Variants in OPHN1 observed in about 807,000 individuals in gnomAD.
OPHN1 encodes the protein oligophrenin-1.
In OPHN1, 11 loss-of-function variants were observed where a neutral mutation model predicts 60.7. The ratio of observed to expected loss-of-function variants is 0.18; its 90% CI spans 0.11 to 0.30. OPHN1 has a LOEUF of 0.30. Ranked by LOEUF, OPHN1 falls within the 10% of genes least tolerant of loss-of-function variation. OPHN1 has a pLI of 1.00. For missense variants in OPHN1, 449 were observed against 611.0 expected (o/e 0.73, Z 2.80); for synonymous variants, 226 against 222.6 (o/e 1.02, Z -0.14).
chrX:68,349,385 G>A (rs1268161992), intron 2 of OPHN1, among the ~76,000 whole-genome samples: 21 of 111,585 alleles, frequency 1.9e-4, no homozygotes, highest in East Asian at 8.5e-4. Flanking sequence ...TTAGAATGGT[G>A]ATCATTAAAA....
At chrX:68,271,113 C>A (rs1460594491) in intron 5 of OPHN1, among the ~76,000 whole-genome samples, 1 of 111,641 alleles carries the variant, frequency 9.0e-6, no homozygotes, top group Non-Finnish European at 1.9e-5. Context: ...TAAGTCCAAT[C>A]AGGAGATAGA....
intron 16 of OPHN1, among the ~76,000 whole-genome samples, chrX:68,113,572 C>T (rs5919522): frequency 0.21 from 22,911 of 110,143 alleles, 1,985 homozygotes; most frequent in Middle Eastern, 0.31. Flanking sequence ...TTAGAATTTC[C>T]GAAGTGCTTT....
chrX:68,257,854 T>C (rs752272583), intron 5 of OPHN1, among the ~76,000 whole-genome samples: 6 of 110,925 alleles, frequency 5.4e-5, no homozygotes, highest in African/African-American at 1.3e-4. Flanking sequence ...GGGAGATACA[T>C]GCTCTTGATT....
intron 2 of OPHN1, among the ~76,000 whole-genome samples, chrX:68,357,787 C>A (rs965716450): frequency 9.0e-6 from 1 of 110,862 alleles, no homozygotes; most frequent in East Asian, 2.8e-4. Flanking sequence ...ATTGCTGGGT[C>A]AAATGGTATT....
At chrX:68,362,713 G>A (rs769664850) in intron 2 of OPHN1, among the ~76,000 whole-genome samples, 7 of 111,048 alleles carry the variant, frequency 6.3e-5, no homozygotes, top group Non-Finnish European at 1.1e-4. Context: ...ATACTGTAAT[G>A]GTGGATACAT....
intron 4 of OPHN1, 128 bp from the exon 5 acceptor site, chrX:68,274,937 G>T (rs982079556): frequency 3.2e-4 from 148 of 469,683 alleles, no homozygotes; most frequent in South Asian, 2.0e-3. Flanking sequence ...TGATTTGTTG[G>T]GTTTTGTTAC....
intron 5 of OPHN1, among the ~76,000 whole-genome samples, chrX:68,262,279 G>A (rs960556061): frequency 4.5e-5 from 5 of 112,168 alleles, no homozygotes; most frequent in African/African-American, 1.6e-4. Flanking sequence ...GGATACCTCT[G>A]AGTAGTGGAT....
At chrX:68,343,070 C>T (rs1295378551) in intron 2 of OPHN1, among the ~76,000 whole-genome samples, 1 of 110,330 alleles carries the variant, frequency 9.1e-6, no homozygotes, top group East Asian at 2.8e-4. Flanking sequence ...GTCAGGAGTT[C>T]GAGATCAGCC....
At chrX:68,227,314 T>G (rs1400380920) in intron 6 of OPHN1, among the ~76,000 whole-genome samples, 2 of 110,294 alleles carry the variant, frequency 1.8e-5, no homozygotes, top group African/African-American at 6.6e-5. Context: ...AACGGGAGAC[T>G]TTGACACCCC....
chrX:68,140,609 C>CT (rs1384211972), intron 15 of OPHN1, among the ~76,000 whole-genome samples: 1 of 110,180 alleles, frequency 9.1e-6, no homozygotes, highest in Non-Finnish European at 1.9e-5. Flanking sequence ...CAGCTGACCC[C>CT]TGAAGGGCTG....
intron 2 of OPHN1, among the ~76,000 whole-genome samples, chrX:68,404,372 A>G (rs7058597): frequency 0.053 from 5,870 of 110,499 alleles, 294 homozygotes; most frequent in African/African-American, 0.15. Flanking sequence ...GTTGGCCAGG[A>G]TGGTCTCCAT....
intron 20 of OPHN1, among the ~76,000 whole-genome samples, chrX:68,069,221 T>C (rs1053620871): frequency 8.9e-6 from 1 of 111,871 alleles, no homozygotes; most frequent in African/African-American, 3.3e-5. Context: ...TAGCCAAGAT[T>C]AAATTAGACC....
rs779833046 is a variant in OPHN1 at position 68,278,611 on chromosome X, C to T, written c.313-3802G>A. Among the ~76,000 whole-genome samples the T allele has an allele frequency of 5.3e-5, 6 of 113,604 alleles. No individual in the cohort carries two copies. In the East Asian group the frequency reaches 1.1e-3, roughly 21 times the overall value. On this transcript the variant is annotated intron_variant, in intron 4 of 24. Coordinates refer to ENST00000355520, the MANE Select transcript of OPHN1 (RefSeq NM_002547.3). The stretch of plus-strand genomic sequence containing the variant: ...TATCAAAAGAGAGCACTGGGCCAGG[C>T]GCAGTGGCTTGCGCCTGTAATCCCA...
intron 2 of OPHN1, among the ~76,000 whole-genome samples, chrX:68,374,704 A>G (rs1465674334): frequency 8.9e-6 from 1 of 111,898 alleles, no homozygotes; most frequent in Non-Finnish European, 1.9e-5. Flanking sequence ...AAGAACCCAT[A>G]CTCAGAATAC....
intron 2 of OPHN1, among the ~76,000 whole-genome samples, chrX:68,391,051 TTCTC>T (rs994313983): frequency 4.5e-5 from 5 of 111,186 alleles, no homozygotes; most frequent in African/African-American, 1.6e-4. Context: ...CCACATCATC[TTCTC>T]TCTATCTGAC....
intron 2 of OPHN1, among the ~76,000 whole-genome samples, chrX:68,324,095 T>C (rs2078247651): frequency 1.8e-5 from 2 of 111,655 alleles, no homozygotes; most frequent in South Asian, 3.7e-4. Context: ...TGTATGGCCA[T>C]GCTAGCCAAT....
chrX:68,128,066 T>C (rs2077178869), intron 15 of OPHN1, among the ~76,000 whole-genome samples: 1 of 110,183 alleles, frequency 9.1e-6, no homozygotes, highest in Non-Finnish European at 1.9e-5. Flanking sequence ...TTTTTTTTTT[T>C]CCAGAAAGGG....
intron 5 of OPHN1, among the ~76,000 whole-genome samples, chrX:68,273,727 TG>T (rs1305293228): frequency 1.8e-5 from 2 of 112,054 alleles, no homozygotes; most frequent in East Asian, 5.6e-4. Context: ...GTAAAGAGTA[TG>T]GAACGTAAAG....
At chrX:68,230,430 T>G (rs890378797) in intron 6 of OPHN1, among the ~76,000 whole-genome samples, 13 of 110,949 alleles carry the variant, frequency 1.2e-4, no homozygotes. Context: ...ATCCAAAGGA[T>G]TATAAATCAT....
Sources: allele counts gnomAD v4.1 joint callset (sites outside exome capture counted in the v4.1 genomes callset), GRCh38; gene constraint gnomAD v4.1.1; transcripts MANE v1.5; gene names NCBI Gene and HGNC (gene_info 2026-07-23, HGNC 2026-07-21).